Variants in FGB observed in about 807,000 individuals in gnomAD.
FGB encodes the protein fibrinogen beta chain, also known as beta-fibrinogen.
Under a neutral mutation model 57.9 loss-of-function variants are expected in FGB, and 25 were observed. The ratio of observed to expected loss-of-function variants is 0.43; its 90% CI spans 0.31 to 0.60. FGB has a LOEUF of 0.60. FGB is among the 20% of genes least tolerant of loss of function. The probability of loss-of-function intolerance (pLI) is 0.08; values close to 1 mark genes in which losing one functional copy is unlikely to be tolerated. For synonymous variants in FGB, 203 were observed against 199.2 expected (o/e 1.02, Z -0.16); for missense variants, 536 against 598.4 (o/e 0.90, Z 1.09).
Position 154,569,814 on chromosome 4 carries a change from C to G in FGB, c.1244+15C>G. On this transcript the variant is annotated intron_variant, in intron 7 of 7. Transcript: ENST00000302068. Reference sequence around the variant, plus strand: ...AATGACGGCTGGTATGTGTGGCACTCTTTGCTCCTGCTTTAAAAATCACAC... The same window carrying G: ...AATGACGGCTGGTATGTGTGGCACTGTTTGCTCCTGCTTTAAAAATCACAC... 1 of 1,613,872 alleles carries G rather than the reference C, an allele frequency of 6.2e-7. No homozygotes were observed. Among genetic ancestry groups the G allele is most frequent in the Non-Finnish European group, 8.5e-7 (1 of 1,179,758 alleles).
At chr4:154,567,892 C>T in intron 4 of FGB, 72 bp downstream of exon 4, 1 of 1,084,724 alleles carries the variant, frequency 9.2e-7, no homozygotes, top group Non-Finnish European at 1.4e-6. Flanking sequence ...AGAACAACAA[C>T]AACAACAAAA....
chr4:154,566,026 GGT>G, intron 2 of FGB, 27 bp downstream of exon 2: 1 of 1,605,290 alleles, frequency 6.2e-7, no homozygotes, highest in Non-Finnish European at 8.5e-7. Flanking sequence ...TTCTTGCAGT[GGT>G]GGCTCTCTCA....
chr4:154,570,506 C>T lies in FGB; in HGVS notation c.1332C>T (p.Gly444=). ...GATGTCATGCAGCCAATCCAAACGG[C>T]AGATACTACTGGGGTGGACAGTACA... The part of the protein sequence containing the change: ...YNRCHAANPN[G]RYYWGGQYTW... Residue 444 remains glycine, a synonymous_variant, in exon 8 of 8, where the codon GGC becomes GGT. Transcript: ENST00000302068. The T allele has an allele frequency of 6.2e-7, 1 of 1,614,092 alleles. No homozygotes were observed. Among genetic ancestry groups the T allele is most frequent in the Non-Finnish European group, 8.5e-7 (1 of 1,180,002 alleles).
At position 154,571,628 on chromosome 4, in the gene FGB, T is replaced by G. The variant is rs1730430524; in HGVS notation, c.*978T>G. Among the ~76,000 whole-genome samples, 1 of 152,206 alleles carries G rather than the reference T, an allele frequency of 6.6e-6. No individual in the cohort carries two copies. Among genetic ancestry groups the G allele is most frequent in the Non-Finnish European group, 1.5e-5 (1 of 68,044 alleles). On this transcript the variant is annotated 3_prime_UTR_variant, in exon 8 of 8. Transcript: ENST00000302068. Reference sequence around the variant, plus strand: ...AATGAAATAGGGAGCAGAATATGCCTGTTGCCCATAGAAACGAGGTCTATT... The same window carrying G: ...AATGAAATAGGGAGCAGAATATGCCGGTTGCCCATAGAAACGAGGTCTATT...
At chr4:154,563,955 C>T (rs543823579) in intron 1 of FGB, among the ~76,000 whole-genome samples, 95 of 151,942 alleles carry the variant, frequency 6.3e-4, no homozygotes, top group African/African-American at 2.1e-3. Context: ...TGATTCATTT[C>T]GGATCATTAT....
rs199768390 is a variant in FGB at position 154,566,533 on chromosome 4, A to G, written c.351A>G (p.Leu117=). Residue 117 remains leucine, a synonymous_variant, in exon 3 of 8, where the codon CTA becomes CTG. Coordinates refer to ENST00000302068, the MANE Select transcript of FGB (RefSeq NM_005141.5). ...GATGTCAGTTGCAAGAGGCTTTGCT[A>G]CAACAGGAAAGGCCAATCAGAAATA... ...PTGCQLQEAL[L]QQERPIRNSV... 3 of 1,614,176 alleles carry G rather than the reference A, an allele frequency of 1.9e-6. No homozygotes were observed. The highest frequency in any genetic ancestry group is 2.2e-5 in the East Asian group (1 of 44,872).
At chr4:154,568,306 T>A in intron 4 of FGB, 75 bp from the exon 5 acceptor site, 1 of 816,788 alleles carries the variant, frequency 1.2e-6, no homozygotes, top group Middle Eastern at 2.7e-4. Context: ...GTAATGTTAT[T>A]TTAAAGAATT....
chr4:154,566,677 A>C lies in FGB; in HGVS notation c.490+5A>C, dbSNP rs1730175432. The C allele has an allele frequency of 6.2e-7, 1 of 1,613,534 alleles. No homozygotes were observed. The highest frequency in any genetic ancestry group is 8.5e-7 in the Non-Finnish European group (1 of 1,179,666). On this transcript the variant is annotated splice_donor_5th_base_variant and intron_variant, in intron 3 of 7. Coordinates refer to ENST00000302068, the MANE Select transcript of FGB (RefSeq NM_005141.5). ...AGAGGCAGAAGCAAGTAAAAGGTAG[A>C]TATCCTTGTGCTTTCCATTCGATTT...
At position 154,565,779 on chromosome 4, in the gene FGB, G is replaced by C. The variant is rs1241422527; in HGVS notation, c.115-29G>C. Reference sequence around the variant, plus strand: ...CATTCCAAATCTTCTATAACACTCTGTATTATATTTCTGCCTCATTCCTTG... The same window carrying C: ...CATTCCAAATCTTCTATAACACTCTCTATTATATTTCTGCCTCATTCCTTG... On this transcript the variant is annotated intron_variant, in intron 1 of 7. Coordinates refer to ENST00000302068, the MANE Select transcript of FGB (RefSeq NM_005141.5). 3 of 1,603,118 alleles carry C rather than the reference G, an allele frequency of 1.9e-6. No homozygotes were observed. The African/African-American group carries it at 4.0e-5, about 21-fold the overall frequency.
At chr4:154,568,924 G>C (rs1466961396) in intron 5 of FGB, among the ~76,000 whole-genome samples, 1 of 152,052 alleles carries the variant, frequency 6.6e-6, no homozygotes, top group Non-Finnish European at 1.5e-5. Context: ...AGCTGACAAA[G>C]AGTAATTTGA....
intron 7 of FGB, 43 bp from the exon 8 acceptor site, chr4:154,570,376 C>A: frequency 1.3e-6 from 2 of 1,482,800 alleles, no homozygotes; most frequent in Admixed American, 3.4e-5. Context: ...AACTTGACCA[C>A]CGTAGTTCTG....
In FGB at chr4:154,566,014, G is replaced by A; in HGVS notation, c.306+15G>A. The A allele has an allele frequency of 6.2e-7, 1 of 1,609,442 alleles. No homozygotes were observed. Among genetic ancestry groups the A allele is most frequent in the African/African-American group, 1.3e-5 (1 of 74,584 alleles). ...ACCCAGACCTGGTGGGTGCACTGAT[G>A]TTTCTTGCAGTGGTGGCTCTCTCAT... On this transcript the variant is annotated intron_variant, in intron 2 of 7. Transcript: ENST00000302068.
intron 5 of FGB, 114 bp downstream of exon 5, chr4:154,568,608 G>A: frequency 1.4e-6 from 1 of 719,928 alleles, no homozygotes; most frequent in Non-Finnish European, 2.5e-6. Flanking sequence ...CACCTTGGGA[G>A]GCCAAAGTGG....
At position 154,565,794 on chromosome 4, in the gene FGB, C is replaced by T. The variant is rs1251975021; in HGVS notation, c.115-14C>T. 1 of 1,612,986 alleles carries T rather than the reference C, an allele frequency of 6.2e-7. No individual in the cohort carries two copies. Among genetic ancestry groups the T allele is most frequent in the African/African-American group, 1.3e-5 (1 of 74,896 alleles). On this transcript the variant is annotated splice_polypyrimidine_tract_variant and intron_variant, in intron 1 of 7. Transcript: ENST00000302068. ...ATAACACTCTGTATTATATTTCTGC[C>T]TCATTCCTTGTAGGGTTTCTTCAGT...
At chr4:154,565,584 T>G in intron 1 of FGB, 1 of 560,454 alleles carries the variant, frequency 1.8e-6, no homozygotes, top group Non-Finnish European at 3.2e-6. Context: ...AGGCCTCTCT[T>G]TAAAAACTAC....
rs140114081 is a variant in FGB at position 154,569,497 on chromosome 4, TTTTG to T, written c.959-13_959-10del. 268,568 of 1,606,216 alleles carry T rather than the reference TTTTG, an allele frequency of 0.17. 23,864 individuals are homozygous for T. Among genetic ancestry groups the T allele is most frequent in the Middle Eastern group, 0.21 (1,247 of 6,006 alleles). Reference sequence around the variant, plus strand: ...AAATTTTATTTTTGGTGAGATTTTATTTTGTTTTTCTTTTAGGTGAATATTGGCT... The same window carrying T: ...AAATTTTATTTTTGGTGAGATTTTATTTTTTCTTTTAGGTGAATATTGGCT... On this transcript the variant is annotated splice_polypyrimidine_tract_variant and intron_variant, in intron 6 of 7. Coordinates refer to ENST00000302068, the MANE Select transcript of FGB (RefSeq NM_005141.5).
chr4:154,569,490 G>A (rs944497370), intron 6 of FGB, 24 bp from the exon 7 acceptor site: 2 of 1,602,488 alleles, frequency 1.2e-6, no homozygotes, highest in Non-Finnish European at 1.7e-6. Context: ...TTTTTGGTGA[G>A]ATTTTATTTT....
chr4:154,568,212 T>G (rs377240248), intron 4 of FGB, among the ~76,000 whole-genome samples, 169 bp from the exon 5 acceptor site: 1 of 152,236 alleles, frequency 6.6e-6, no homozygotes, highest in Non-Finnish European at 1.5e-5. Flanking sequence ...AAAACTGGGT[T>G]GGACTTACTA....
rs1730476268 is a variant in FGB at position 154,572,669 on chromosome 4, T to C, written c.*2019T>C. On this transcript the variant is annotated 3_prime_UTR_variant, in exon 8 of 8. Transcript: ENST00000302068. ...TTAGACCATACAGTCATTCTCAGGG[T>C]ATGCTTGAGTTAATGCTGTCGGATG... Among the ~76,000 whole-genome samples the C allele has an allele frequency of 6.6e-6, 1 of 152,100 alleles. No individual in the cohort carries two copies. Among genetic ancestry groups the C allele is most frequent in the African/African-American group, 2.4e-5 (1 of 41,402 alleles).
Sources: gnomAD v4.1 joint callset for allele counts (sites outside exome capture counted in the v4.1 genomes callset) on GRCh38, gnomAD v4.1.1 for gene constraint, MANE v1.5 for transcripts, NCBI Gene and HGNC (gene_info 2026-07-23, HGNC 2026-07-21) for gene names.